The following OTULIN variants were observed in gnomAD, a reference collection of about 807,000 sequenced individuals.
OTULIN encodes OTU deubiquitinase with linear linkage specificity.
OTULIN carries 15 observed loss-of-function variants against 39.6 expected under a neutral mutation model. The observed-to-expected ratio is 0.38, with a 90% CI of 0.25 to 0.58. The LOEUF is 0.58. OTULIN is among the 20% of genes least tolerant of loss of function. The pLI is 0.66. For synonymous variants in OTULIN, 156 were observed against 170.3 expected, an observed-to-expected ratio of 0.92 and a Z score of 0.65; for missense variants, 319 against 445.9, an observed-to-expected ratio of 0.72 and a Z score of 2.56.
intron 5 of OTULIN, among the ~76,000 whole-genome samples, chr5:14,688,484 C>T (rs1736442940): frequency 6.6e-6 from 1 of 152,224 alleles, no homozygotes; most frequent in South Asian, 2.1e-4. Context: ...CTGTGCATTC[C>T]TTGACACCCT....
chr5:14,669,360 C>G (rs1158485049), intron 1 of OTULIN, among the ~76,000 whole-genome samples: 1 of 145,604 alleles, frequency 6.9e-6, no homozygotes, highest in East Asian at 1.9e-4. Context: ...AGCGAAACTC[C>G]GTCTCAAAAA....
downstream of OTULIN, among the ~76,000 whole-genome samples, chr5:14,699,895 A>G (rs1412511537): frequency 6.6e-6 from 1 of 151,920 alleles, no homozygotes; most frequent in African/African-American, 2.4e-5. Flanking sequence ...TCTGACATTA[A>G]ACTCTCCCTA....
intron 4 of OTULIN, among the ~76,000 whole-genome samples, chr5:14,685,158 T>C (rs560993443): frequency 1.8e-4 from 27 of 152,272 alleles, no homozygotes; most frequent in Non-Finnish European, 3.4e-4. Context: ...GGTTAGACTG[T>C]GACAGTGTTT....
At chr5:14,705,871 C>G in the OTULIN span, 1 of 152,228 alleles carries the variant, frequency 6.6e-6, no homozygotes, top group South Asian at 2.1e-4. Context: ...CCTGCATGTT[C>G]ATGGCCCCAC....
chr5:14,713,739 G>T, the OTULIN span: 1 of 1,608,450 alleles, frequency 6.2e-7, no homozygotes, highest in South Asian at 1.1e-5. This position sits in a 1 kb window ranked among gnomAD's most constrained non-coding sequence, Gnocchi z 4.4. Context: ...TCTGGACCAG[G>T]GCAGCACATC....
Position 14,664,984 on chromosome 5 carries a change from C to T in OTULIN, c.152+7C>T. The T allele has an allele frequency of 9.4e-7, 1 of 1,063,150 alleles. No homozygotes were observed. Among genetic ancestry groups the T allele is most frequent in the Non-Finnish European group, 1.1e-6 (1 of 881,358 alleles). The allele number at this position is 1,063,150 out of a possible 1,614,324, so 65.9% of individuals were successfully genotyped here. ...TGCAGTGCCCGGCCGAGCAGTGAGT[C>T]CGCGGGGGCGCGGGGCGCGGGCCGT... On this transcript the variant is annotated splice_region_variant and intron_variant, in intron 1 of 6. Coordinates refer to ENST00000284274, the MANE Select transcript of OTULIN (RefSeq NM_138348.6).
downstream of OTULIN, among the ~76,000 whole-genome samples, chr5:14,701,357 C>T (rs986087780): frequency 1.3e-4 from 20 of 152,228 alleles, no homozygotes; most frequent in African/African-American, 4.8e-4. Context: ...TGACCCCAGG[C>T]AAGCTTGTTG....
intron 2 of OTULIN, among the ~76,000 whole-genome samples, chr5:14,676,265 G>A (rs1736101707): frequency 6.6e-6 from 1 of 151,724 alleles, no homozygotes; most frequent in Non-Finnish European, 1.5e-5. Context: ...TTATTTTTTT[G>A]CCATTAGAAA....
rs1380376684 is a variant in OTULIN, at chr5:14,690,067, C to A, written c.623C>A (p.Ala208Asp). Reference protein sequence around the residue: ...KWAGLAEMRTAEARQIACDEL... With the variant: ...KWAGLAEMRTDEARQIACDEL... ...GCAGGCTTGGCTGAAATGAGAACTG[C>A]TGAAGCAAGACAGATAGCTTGTGAT... Residue 208 changes from alanine (A) to aspartate (D), a missense_variant, in exon 6 of 7, where the codon GCT becomes GAT. Ala to Asp is a moderately radical substitution (Grantham distance 126). Around this residue, in one of 4 missense-constraint regions of OTULIN, gnomAD observed 106 missense variants for 192.8 expected, o/e 0.55. Coordinates refer to ENST00000284274, the MANE Select transcript of OTULIN (RefSeq NM_138348.6). This position sits in a 1 kb window ranked among gnomAD's most constrained non-coding sequence, Gnocchi z 4.5. 6.2e-7 allele frequency: 1 copy of A among 1,614,034 alleles called. No individual in the cohort carries two copies. Among genetic ancestry groups the A allele is most frequent in the Admixed American group, 1.7e-5 (1 of 60,012 alleles).
In OTULIN at chr5:14,694,492, A is replaced by T. The variant is rs1736615809; in HGVS notation, c.*1444A>T. On this transcript the variant is annotated 3_prime_UTR_variant, in exon 7 of 7. Transcript: ENST00000284274. ...CCTGAAGTACTGAGCTTTGTTTTAT[A>T]ATAATTAAAATCCTTATTTGGTCCA... 1 of 152,254 alleles carries T rather than the reference A, an allele frequency of 6.6e-6. No homozygotes were observed. Among genetic ancestry groups the T allele is most frequent in the Non-Finnish European group, 1.5e-5 (1 of 68,046 alleles). 9.4% of individuals were successfully genotyped at this position (152,254 alleles called of 1,614,324 possible).
At position 14,698,540 on chromosome 5, in the gene OTULIN, T is replaced by C. The variant is rs1447337081; in HGVS notation, c.*5492T>C. The C allele has an allele frequency of 6.6e-6, 1 of 152,216 alleles. No homozygotes were observed. Among genetic ancestry groups the C allele is most frequent in the Non-Finnish European group, 1.5e-5 (1 of 68,044 alleles). The allele number at this position is 152,216 out of a possible 1,614,324, so 9.4% of individuals were successfully genotyped here. On this transcript the variant is annotated 3_prime_UTR_variant, in exon 7 of 7. Coordinates refer to ENST00000284274, the MANE Select transcript of OTULIN (RefSeq NM_138348.6). Reference sequence around the variant, plus strand: ...TGGGGGCTTTGCTGTTGATCCACTTTAGCAAACCCTGCTGCAGAGGACTGT... The same window carrying C: ...TGGGGGCTTTGCTGTTGATCCACTTCAGCAAACCCTGCTGCAGAGGACTGT...
At chr5:14,671,894 A>T (rs1015169482) in intron 1 of OTULIN, among the ~76,000 whole-genome samples, 1 of 152,200 alleles carries the variant, frequency 6.6e-6, no homozygotes, top group Non-Finnish European at 1.5e-5. Flanking sequence ...TCTGTTTCTT[A>T]AAAAAGCCCT....
At position 14,690,841 on chromosome 5, in the gene OTULIN, C is replaced by T. The variant is rs150250442; in HGVS notation, c.864+533C>T. Among the ~76,000 whole-genome samples the T allele has an allele frequency of 3.2e-4, 49 of 152,292 alleles. 1 individual carries two copies. The East Asian group carries it at 8.7e-3, about 27-fold the overall frequency. On this transcript the variant is annotated intron_variant, in intron 6 of 6. Coordinates refer to ENST00000284274, the MANE Select transcript of OTULIN (RefSeq NM_138348.6). The surrounding 1 kb of genome is among the most constrained non-coding windows in gnomAD (Gnocchi z 4.5). ...AATTGTGGACATACTTTACAGTCAC[C>T]ACCGTTATCTCAGCCTGGGCTTTAT...
chr5:14,680,915 C>T (rs1350700865), intron 3 of OTULIN, among the ~76,000 whole-genome samples: 1 of 152,138 alleles, frequency 6.6e-6, no homozygotes, highest in Admixed American at 6.5e-5. Flanking sequence ...AAAAAATTAG[C>T]TGGGCTTGGT....
At position 14,692,979 on chromosome 5, in the gene OTULIN, A is replaced by AACGTT; in HGVS notation, c.993_994insTTACG (p.Ile333ArgfsTer76). On this transcript the variant is annotated frameshift_variant, in exon 7 of 7. Coordinates refer to ENST00000284274, the MANE Select transcript of OTULIN (RefSeq NM_138348.6). LOFTEE classifies it high-confidence loss of function. ...ACCCACCCAAGGACTGGCCAGTGGT[A>AACGTT]ACGCTCATTGCTGAGGACGATCGGC... The AACGTT allele has an allele frequency of 1.2e-6, 2 of 1,614,192 alleles. No individual in the cohort carries two copies. Among genetic ancestry groups the AACGTT allele is most frequent in the Non-Finnish European group, 1.7e-6 (2 of 1,180,042 alleles).
chr5:14,691,077 A>G (rs115838597), intron 6 of OTULIN, among the ~76,000 whole-genome samples: 8 of 152,374 alleles, frequency 5.3e-5, no homozygotes, highest in African/African-American at 1.9e-4. Context: ...ACACAAACCC[A>G]GTGCAGTACT....
intron 2 of OTULIN, among the ~76,000 whole-genome samples, chr5:14,674,535 T>A (rs911545014): frequency 2.0e-5 from 3 of 152,206 alleles, no homozygotes; most frequent in Non-Finnish European, 2.9e-5. Flanking sequence ...GCGGGCGGAT[T>A]GCTTGAGTCC....
intron 2 of OTULIN, among the ~76,000 whole-genome samples, chr5:14,675,281 T>G (rs1307632760): frequency 6.6e-6 from 1 of 152,240 alleles, no homozygotes; most frequent in Non-Finnish European, 1.5e-5. Flanking sequence ...CTCTTCTGTT[T>G]TGAGAACTGG....
chr5:14,691,341 C>G (rs559487890), intron 6 of OTULIN, among the ~76,000 whole-genome samples: 39 of 152,292 alleles, frequency 2.6e-4, no homozygotes, highest in African/African-American at 9.1e-4. Flanking sequence ...CTGAGCTGTC[C>G]TGGAGTGTGA....
Sources: gnomAD v4.1 joint callset for allele counts (sites outside exome capture counted in the v4.1 genomes callset) on GRCh38, gnomAD v4.1.1 for gene constraint, gnomAD v4.1.1 regional missense constraint, Gnocchi (gnomAD v3.1) non-coding constraint, MANE v1.5 for transcripts, NCBI Gene and HGNC (gene_info 2026-07-23, HGNC 2026-07-21) for gene names.